PRLR: variants seen among roughly 807,000 people sequenced by gnomAD.
The protein encoded by PRLR is hPRL receptor.
PRLR carries 13 observed loss-of-function variants against 40.2 expected under a neutral mutation model. That is an observed-to-expected ratio of 0.32 (90% CI 0.21 to 0.51). PRLR has a LOEUF of 0.51. Ranked by LOEUF, PRLR falls within the 20% of genes least tolerant of loss-of-function variation. PRLR has a pLI of 0.97. For missense variants in PRLR, 656 were observed against 747.3 expected (o/e 0.88, Z 1.42); for synonymous variants, 269 against 278.7 (o/e 0.97, Z 0.35).
At chr5:35,113,008 C>A (rs1391586017) in intron 2 of PRLR, among the ~76,000 whole-genome samples, 1 of 152,174 alleles carries the variant, frequency 6.6e-6, no homozygotes, top group Non-Finnish European at 1.5e-5. Context: ...CAGCTCTTTA[C>A]AATGCATTTT....
chr5:35,218,401 AAT>A (rs1776336688), intron 1 of PRLR, among the ~76,000 whole-genome samples: 1 of 151,790 alleles, frequency 6.6e-6, no homozygotes. Flanking sequence ...ATATAATTAA[AAT>A]ATATAACTAG....
chr5:35,078,503 G>C (rs538776962), intron 5 of PRLR, among the ~76,000 whole-genome samples: 1 of 152,044 alleles, frequency 6.6e-6, no homozygotes, highest in Admixed American at 6.5e-5. Flanking sequence ...GACTAAACCA[G>C]GAAGAAGTTG....
intron 2 of PRLR, among the ~76,000 whole-genome samples, chr5:35,107,234 G>C (rs1303276258): frequency 6.6e-6 from 1 of 152,222 alleles, no homozygotes; most frequent in Non-Finnish European, 1.5e-5. Flanking sequence ...GCAGTGTGTA[G>C]AGGGAAATTT....
intron 1 of PRLR, among the ~76,000 whole-genome samples, chr5:35,121,804 GA>G (rs1348880946): frequency 3.3e-5 from 5 of 152,154 alleles, no homozygotes; most frequent in African/African-American, 1.2e-4. Flanking sequence ...AGATCTCTTT[GA>G]TGCCAAAGGC....
At chr5:35,158,735 C>A (rs998876062) in intron 1 of PRLR, among the ~76,000 whole-genome samples, 1 of 152,090 alleles carries the variant, frequency 6.6e-6, no homozygotes, top group Non-Finnish European at 1.5e-5. Flanking sequence ...TGCTGGGAGA[C>A]AATCTCTTTC....
At chr5:35,052,067 T>C (rs996662694), downstream of PRLR, among the ~76,000 whole-genome samples, 2 of 152,290 alleles carry the variant, frequency 1.3e-5, no homozygotes, top group Middle Eastern at 3.4e-3. Flanking sequence ...CAAAAACTGA[T>C]AGAATTATAA....
At chr5:35,150,127 G>A (rs576630605) in intron 1 of PRLR, among the ~76,000 whole-genome samples, 10 of 152,164 alleles carry the variant, frequency 6.6e-5, no homozygotes, top group Non-Finnish European at 8.8e-5. Flanking sequence ...CAGGTGATAC[G>A]CCCACCTTGG....
intron 2 of PRLR, among the ~76,000 whole-genome samples, chr5:35,100,162 C>T (rs548449934): frequency 9.8e-5 from 13 of 132,588 alleles, no homozygotes; most frequent in African/African-American, 3.6e-4. Context: ...GCAGCCTGGG[C>T]GACAGGGCGA....
chr5:35,137,019 A>G (rs760207867), intron 1 of PRLR, among the ~76,000 whole-genome samples: 23 of 152,068 alleles, frequency 1.5e-4, no homozygotes, highest in Non-Finnish European at 2.9e-4. Context: ...GTAGAAGGAG[A>G]CAGAAAAAAA....
chr5:35,112,299 G>A (rs774627876), intron 2 of PRLR, among the ~76,000 whole-genome samples: 34 of 152,078 alleles, frequency 2.2e-4, no homozygotes, highest in Non-Finnish European at 2.4e-4. Flanking sequence ...TGGGTAAAAG[G>A]CAATTTCATT....
chr5:35,197,977 G>T (rs1775781789), intron 1 of PRLR, among the ~76,000 whole-genome samples: 2 of 152,338 alleles, frequency 1.3e-5, no homozygotes, highest in South Asian at 2.1e-4. Context: ...CCTGACAAAG[G>T]CAGGGCAGTC....
chr5:35,189,881 G>A (rs780723630), intron 1 of PRLR, among the ~76,000 whole-genome samples: 48 of 152,202 alleles, frequency 3.2e-4, no homozygotes, highest in Non-Finnish European at 6.8e-4. Context: ...AGCCCAGAAA[G>A]GTCAAACCAC....
At chr5:35,180,954 G>C (rs1378780738) in intron 1 of PRLR, among the ~76,000 whole-genome samples, 3 of 152,112 alleles carry the variant, frequency 2.0e-5, no homozygotes, top group Admixed American at 2.0e-4. Flanking sequence ...GCCTAATACA[G>C]GTATGGATCT....
intron 2 of PRLR, among the ~76,000 whole-genome samples, chr5:35,102,119 C>T (rs1216039595): frequency 1.3e-5 from 2 of 152,066 alleles, no homozygotes; most frequent in East Asian, 1.9e-4. Flanking sequence ...TGAGCCACCA[C>T]GCCCGGCCAA....
At chr5:35,207,614 T>TTGTGTGTGTGTGTG (rs142502829) in intron 1 of PRLR, among the ~76,000 whole-genome samples, 2,585 of 146,930 alleles carry the variant, frequency 0.018, 30 homozygotes, top group Middle Eastern at 0.038. Flanking sequence ...CAATGGGAGA[T>TTGTGTGTGTGTGTG]TGTGTGTGTG....
chr5:35,192,429 C>T (rs1436408640), intron 1 of PRLR, among the ~76,000 whole-genome samples: 1 of 152,086 alleles, frequency 6.6e-6, no homozygotes, highest in African/African-American at 2.4e-5. Context: ...ATGTCTATGG[C>T]TGAAAAGTAC....
intron 1 of PRLR, among the ~76,000 whole-genome samples, chr5:35,185,474 TG>T (rs763968147): frequency 4.6e-5 from 7 of 151,822 alleles, no homozygotes; most frequent in Non-Finnish European, 8.8e-5. Context: ...GTTCTAGGCT[TG>T]GGCCTTTTCT....
chr5:35,179,683 A>T (rs542385263), intron 1 of PRLR, among the ~76,000 whole-genome samples: 4 of 152,198 alleles, frequency 2.6e-5, no homozygotes, highest in African/African-American at 9.6e-5. Flanking sequence ...TATAGTTTGG[A>T]TGTGTGTCCC....
intron 1 of PRLR, among the ~76,000 whole-genome samples, chr5:35,227,722 G>C (rs1017902553): frequency 1.3e-5 from 2 of 152,190 alleles, no homozygotes; most frequent in African/African-American, 4.8e-5. Flanking sequence ...CCCATGGAGA[G>C]AGAGTACATG....
Sources: gnomAD v4.1 joint callset for allele counts (sites outside exome capture counted in the v4.1 genomes callset) on GRCh38, gnomAD v4.1.1 for gene constraint, MANE v1.5 for transcripts, NCBI Gene and HGNC (gene_info 2026-07-23, HGNC 2026-07-21) for gene names.